Variants in CTNNA2 observed in about 807,000 individuals in gnomAD.
The protein encoded by CTNNA2 is catenin alpha-2.
A neutral mutation model predicts 101.0 loss-of-function variants in CTNNA2; 42 were observed. The ratio of observed to expected loss-of-function variants is 0.42; its 90% confidence interval spans 0.32 to 0.54. The LOEUF is 0.54. Ranked by LOEUF, CTNNA2 falls within the 20% of genes least tolerant of loss-of-function variation. The pLI, the probability that CTNNA2 is intolerant of heterozygous loss-of-function variation, is 0.14. For synonymous variants in CTNNA2, 450 were observed against 456.4 expected (o/e 0.99, Z 0.18); for missense variants, 871 against 1,223.1 (o/e 0.71, Z 4.29).
chr2:80,364,556 A>ATTTT (rs57073635), intron 7 of CTNNA2, among the ~76,000 whole-genome samples: 18,306 of 122,836 alleles, frequency 0.15, 1,406 homozygotes, highest in East Asian at 0.29. Context: ...AGAGAAAGTA[A>ATTTT]TTTTTTTTTT....
intron 2 of CTNNA2, among the ~76,000 whole-genome samples, chr2:79,672,708 C>CTTTTTTTT (rs768344475): frequency 6.7e-5 from 9 of 134,328 alleles, no homozygotes; most frequent in Non-Finnish European, 1.3e-4. Context: ...TTTCTTTTTT[C>CTTTTTTTT]TTTTTTTTTT....
chr2:80,318,324 T>C (rs2149241613), intron 7 of CTNNA2, among the ~76,000 whole-genome samples: 1 of 152,308 alleles, frequency 6.6e-6, no homozygotes, highest in Non-Finnish European at 1.5e-5. Context: ...TCTGTGTTTG[T>C]TTCTGTGTGC....
chr2:79,379,280 T>C (rs1373390063), intron 4 of CTNNA2, among the ~76,000 whole-genome samples: 1 of 152,210 alleles, frequency 6.6e-6, no homozygotes, highest in Non-Finnish European at 1.5e-5. Flanking sequence ...CTCATTAGAA[T>C]AAGTAAATAA....
At chr2:79,982,200 AT>A (rs1473036612) in intron 7 of CTNNA2, among the ~76,000 whole-genome samples, 3 of 17,638 alleles carry the variant, frequency 1.7e-4, no homozygotes, top group East Asian at 3.2e-3. Flanking sequence ...CACTATATAT[AT>A]ATATATATAT....
At chr2:79,606,944 C>G (rs1282581677) in intron 1 of CTNNA2, among the ~76,000 whole-genome samples, 1 of 152,054 alleles carries the variant, frequency 6.6e-6, no homozygotes, top group Non-Finnish European at 1.5e-5. Flanking sequence ...TTAATCATGT[C>G]AACGATTACA....
intron 3 of CTNNA2, among the ~76,000 whole-genome samples, chr2:79,845,172 C>CTTTTT (rs59627246): frequency 9.6e-6 from 1 of 104,202 alleles, no homozygotes; most frequent in Non-Finnish European, 1.9e-5. Flanking sequence ...AACACAGCTG[C>CTTTTT]TTTTTTTTTT....
At chr2:79,641,510 C>G (rs1680447168) in intron 1 of CTNNA2, among the ~76,000 whole-genome samples, 1 of 152,130 alleles carries the variant, frequency 6.6e-6, no homozygotes, top group Non-Finnish European at 1.5e-5. Context: ...AATCTACTGT[C>G]CAAATCTGAA....
chr2:79,637,558 C>T (rs1160345208), intron 1 of CTNNA2, among the ~76,000 whole-genome samples: 1 of 152,154 alleles, frequency 6.6e-6, no homozygotes, highest in African/African-American at 2.4e-5. Context: ...TATCTGTTCA[C>T]TTTTATCTTC....
Position 80,201,309 on chromosome 2 carries a change from CT to C in CTNNA2, c.1057-191898del, listed in dbSNP as rs536292373. ...AAGAAGAAAAATGAGGCAAATCAGT[CT>C]TTTATTTAAGAATATTTGGGCATGT... On this transcript the variant is annotated intron_variant, in intron 7 of 18. Transcript: ENST00000402739. Among the ~76,000 whole-genome samples the C allele has an allele frequency of 2.9e-4, 41 of 142,822 alleles. No homozygotes were observed. In the East Asian group the frequency reaches 7.7e-3, roughly 27 times the overall value. 93.7% of individuals were successfully genotyped at this position (142,822 alleles called of 152,430 possible). A position where few individuals can be genotyped will look rare whatever the true frequency, so the allele number is the denominator to read the frequency against.
intron 11 of CTNNA2, among the ~76,000 whole-genome samples, chr2:80,548,350 C>T (rs185773373): frequency 1.3e-5 from 2 of 152,128 alleles, no homozygotes; most frequent in Non-Finnish European, 2.9e-5. Context: ...TTAGAACTTA[C>T]AACTTTTCCA....
intron 3 of CTNNA2, among the ~76,000 whole-genome samples, chr2:79,793,646 C>A (rs1191965639): frequency 1.3e-5 from 2 of 152,096 alleles, no homozygotes; most frequent in African/African-American, 4.8e-5. Context: ...CATATGCTCA[C>A]AAGATGTGCA....
intron 12 of CTNNA2, among the ~76,000 whole-genome samples, chr2:80,565,782 C>T (rs543294984): frequency 3.9e-5 from 6 of 152,200 alleles, no homozygotes; most frequent in South Asian, 2.1e-4. Context: ...TCCCGATTCC[C>T]GGTGCCTAGA....
At chr2:79,818,251 T>C (rs905967917) in intron 3 of CTNNA2, among the ~76,000 whole-genome samples, 2 of 152,218 alleles carry the variant, frequency 1.3e-5, no homozygotes. Context: ...AGATAGTGCA[T>C]AAATATTATA....
chr2:79,221,325 T>A (rs1674342711), intron 2 of CTNNA2, among the ~76,000 whole-genome samples: 1 of 152,152 alleles, frequency 6.6e-6, no homozygotes. Flanking sequence ...ATTATTTTTG[T>A]TTTGTTTTGC....
chr2:79,381,378 A>G (rs1307109531), intron 4 of CTNNA2, among the ~76,000 whole-genome samples: 1 of 152,194 alleles, frequency 6.6e-6, no homozygotes, highest in Non-Finnish European at 1.5e-5. Context: ...CCAGTCACTG[A>G]AAAAATTTTT....
intron 7 of CTNNA2, among the ~76,000 whole-genome samples, chr2:80,292,757 T>TA (rs1163204006): frequency 1.3e-5 from 2 of 152,204 alleles, no homozygotes; most frequent in African/African-American, 4.8e-5. Context: ...AATGTTGACT[T>TA]AAGCTCTGAA....
intron 7 of CTNNA2, among the ~76,000 whole-genome samples, chr2:80,339,469 C>A (rs1161584180): frequency 6.6e-6 from 1 of 152,136 alleles, no homozygotes; most frequent in Non-Finnish European, 1.5e-5. Flanking sequence ...AATACCATAA[C>A]CCAACTCTCC....
chr2:80,315,071 T>A lies in CTNNA2; in HGVS notation c.1057-78140T>A, dbSNP rs79718662. Reference sequence around the variant, plus strand: ...TTATAAAAACAGAAAATAGTTAAAATGCTATTGCAATAACTACCTATATCA... The same window carrying A: ...TTATAAAAACAGAAAATAGTTAAAAAGCTATTGCAATAACTACCTATATCA... On this transcript the variant is annotated intron_variant, in intron 7 of 18. Transcript: ENST00000402739. Among the ~76,000 whole-genome samples the A allele has an allele frequency of 6.0e-3, 921 of 152,302 alleles. 10 individuals are homozygous for A. Among genetic ancestry groups the A allele is most frequent in the African/African-American group, 0.021 (877 of 41,552 alleles).
rs35760472 is a variant in CTNNA2, at chr2:80,546,053, C to T, written c.1530C>T (p.Leu510=). The part of the protein sequence containing the change: ...VDDITSVDDF[L]SVSENHILED... ...ACATCACCTCAGTGGATGACTTCCT[C>T]TCTGTCTCAGGTAATCATCACAAAC... is the stretch of plus-strand genomic sequence containing the variant. Residue 510 remains leucine (L), a synonymous_variant, in exon 11 of 19, where the codon CTC becomes CTT. Coordinates refer to ENST00000402739, the MANE Select transcript of CTNNA2 (RefSeq NM_001282597.3). 1.9e-6 allele frequency: 3 copies of T among 1,613,808 alleles called. No homozygotes were observed. Among genetic ancestry groups the T allele is most frequent in the African/African-American group, 2.7e-5 (2 of 74,928 alleles).
Sources: gnomAD v4.1 joint callset for allele counts (sites outside exome capture counted in the v4.1 genomes callset) on GRCh38, gnomAD v4.1.1 for gene constraint, MANE v1.5 for transcripts, NCBI Gene and HGNC (gene_info 2026-07-23, HGNC 2026-07-21) for gene names.